PDE11A: variants seen among roughly 807,000 people sequenced by gnomAD.
PDE11A encodes the protein phosphodiesterase 11A, also known as dual 3',5'-cyclic-AMP and -GMP phosphodiesterase 11A.
Under a neutral mutation model 100.5 loss-of-function variants are expected in PDE11A, and 100 were observed. That is an observed-to-expected ratio of 1.00 (90% CI 0.85 to 1.18). The LOEUF (loss-of-function observed/expected upper bound fraction) is 1.18, where lower values mean the gene tolerates loss of function less well. PDE11A is among the 50% of genes most tolerant of loss of function. The probability of loss-of-function intolerance (pLI) is 0.00; values close to 1 mark genes in which losing one functional copy is unlikely to be tolerated. For synonymous variants in PDE11A, 381 were observed against 420.8 expected (o/e 0.91, Z 1.16); for missense variants, 1,141 against 1,152.6 (o/e 0.99, Z 0.15).
intron 15 of PDE11A, chr2:177,687,042 G>A (rs2080963162): frequency 6.6e-6 from 1 of 151,962 alleles, no homozygotes; most frequent in Admixed American, 6.6e-5. Flanking sequence ...TAAAGTTCCT[G>A]AAAAAAATCC....
At chr2:178,003,074 C>T (rs934568) in intron 2 of PDE11A, among the ~76,000 whole-genome samples, 91,999 of 151,940 alleles carry the variant, frequency 0.61, 29,182 homozygotes, top group Admixed American at 0.71. Context: ...GTGGAGAATT[C>T]GGAACCCTCA....
At chr2:177,802,324 C>T (rs1311968159) in intron 9 of PDE11A, among the ~76,000 whole-genome samples, 1 of 152,008 alleles carries the variant, frequency 6.6e-6, no homozygotes, top group Admixed American at 6.6e-5. Context: ...AAACTAAACA[C>T]ATACTGACCT....
chr2:178,074,107 T>C (rs1358208663), upstream of PDE11A, among the ~76,000 whole-genome samples: 4 of 152,134 alleles, frequency 2.6e-5, no homozygotes, highest in East Asian at 1.9e-4. Context: ...TCATGCAAAA[T>C]GAAAGAAGCC....
At chr2:178,050,929 A>C (rs1447362056) in intron 1 of PDE11A, among the ~76,000 whole-genome samples, 2 of 152,212 alleles carry the variant, frequency 1.3e-5, no homozygotes, top group African/African-American at 4.8e-5. Flanking sequence ...TTGGAAAACA[A>C]TCTTTAGGAT....
intron 5 of PDE11A, among the ~76,000 whole-genome samples, chr2:177,870,691 A>C (rs1052839261): frequency 6.6e-6 from 1 of 152,230 alleles, no homozygotes; most frequent in African/African-American, 2.4e-5. Flanking sequence ...CTGGGTTTCA[A>C]ATATTGCCTC....
At chr2:178,028,124 G>A (rs149602324) in intron 1 of PDE11A, among the ~76,000 whole-genome samples, 1 of 152,112 alleles carries the variant, frequency 6.6e-6, no homozygotes, top group Non-Finnish European at 1.5e-5. Context: ...GGAGCTGGTT[G>A]GTTCCATACA....
chr2:178,053,131 C>G (rs141484770), intron 1 of PDE11A, among the ~76,000 whole-genome samples: 1 of 152,162 alleles, frequency 6.6e-6, no homozygotes, highest in Non-Finnish European at 1.5e-5. Context: ...TACTGGCAAA[C>G]TGAATCCAGC....
chr2:177,771,649 A>G (rs935230223), intron 9 of PDE11A, among the ~76,000 whole-genome samples: 1 of 152,264 alleles, frequency 6.6e-6, no homozygotes, highest in African/African-American at 2.4e-5. Context: ...ACAGTGTATT[A>G]TAAGATCTGC....
intron 9 of PDE11A, among the ~76,000 whole-genome samples, chr2:177,794,102 A>T (rs967175556): frequency 2.0e-5 from 3 of 152,092 alleles, no homozygotes; most frequent in African/African-American, 7.2e-5. Context: ...TAGTGTATCA[A>T]GTGATGATGA....
chr2:177,784,695 G>A (rs1367378511), intron 9 of PDE11A, among the ~76,000 whole-genome samples: 1 of 152,092 alleles, frequency 6.6e-6, no homozygotes, highest in Non-Finnish European at 1.5e-5. Flanking sequence ...TCCTGCACAA[G>A]CCAAGAACCC....
At chr2:177,895,121 T>TA (rs1169359877) in intron 4 of PDE11A, among the ~76,000 whole-genome samples, 119 of 145,942 alleles carry the variant, frequency 8.2e-4, no homozygotes, top group African/African-American at 9.5e-4. Flanking sequence ...AACTTAAAAT[T>TA]AAAAAAAAAA....
At chr2:178,084,627 T>C (rs1474159790) in intron 2 of PDE11A, among the ~76,000 whole-genome samples, 1 of 152,138 alleles carries the variant, frequency 6.6e-6, no homozygotes, top group Non-Finnish European at 1.5e-5. Flanking sequence ...AGTTGATGCA[T>C]AGGGCATGAC....
At chr2:177,721,079 T>G (rs1229057959) in intron 12 of PDE11A, among the ~76,000 whole-genome samples, 1 of 152,188 alleles carries the variant, frequency 6.6e-6, no homozygotes, top group Non-Finnish European at 1.5e-5. Flanking sequence ...ATTATTATAT[T>G]CTATTACATT....
chr2:177,990,855 A>G (rs2085994905), intron 2 of PDE11A, among the ~76,000 whole-genome samples: 2 of 149,794 alleles, frequency 1.3e-5, no homozygotes, highest in South Asian at 4.3e-4. Context: ...TTAGCTGGGC[A>G]CGGTGGTGCG....
intron 12 of PDE11A, among the ~76,000 whole-genome samples, chr2:177,713,012 T>C (rs555512369): frequency 6.8e-6 from 1 of 147,236 alleles, no homozygotes; most frequent in East Asian, 2.0e-4. Flanking sequence ...GTGTTGACAA[T>C]TTTATTTTTT....
intron 2 of PDE11A, among the ~76,000 whole-genome samples, chr2:178,095,503 TTGAG>T (rs1044894926): frequency 3.3e-5 from 5 of 152,212 alleles, no homozygotes; most frequent in Non-Finnish European, 7.3e-5. Context: ...CAGGCTGGCA[TTGAG>T]TGTCTGTGGC....
chr2:177,913,140 C>T (rs2084905813), intron 2 of PDE11A, among the ~76,000 whole-genome samples: 1 of 152,046 alleles, frequency 6.6e-6, no homozygotes, highest in Non-Finnish European at 1.5e-5. Context: ...TTAAAAATTA[C>T]CATAAATACT....
chr2:177,628,720 T>G lies in PDE11A; in HGVS notation c.*687A>C, dbSNP rs1416251174. 6.6e-6 allele frequency: 1 copy of G among 152,454 alleles called. No homozygotes were observed. The highest frequency in any genetic ancestry group is 2.4e-5 in the African/African-American group (1 of 41,458). The allele number at this position is 152,454 out of a possible 1,614,324, so 9.4% of individuals were successfully genotyped here. A position where few individuals can be genotyped will look rare whatever the true frequency, so the allele number is the denominator to read the frequency against. ...AGAAAACTTTGTCTGTAATGAAGGT[T>G]GAATTTTAAAACTCTGGAAAAGGGT... On this transcript the variant is annotated 3_prime_UTR_variant, in exon 20 of 20. Coordinates refer to ENST00000286063, the MANE Select transcript of PDE11A (RefSeq NM_016953.4).
At chr2:178,025,350 C>T (rs964421316) in intron 1 of PDE11A, among the ~76,000 whole-genome samples, 1 of 152,148 alleles carries the variant, frequency 6.6e-6, no homozygotes, top group Non-Finnish European at 1.5e-5. Context: ...TAGACACCAT[C>T]AAATAATTTG....
Sources: gnomAD v4.1 joint callset for allele counts (sites outside exome capture counted in the v4.1 genomes callset) on GRCh38, gnomAD v4.1.1 for gene constraint, MANE v1.5 for transcripts, NCBI Gene and HGNC (gene_info 2026-07-23, HGNC 2026-07-21) for gene names.